SASH1: variants seen among roughly 807,000 people sequenced by gnomAD.
SASH1 encodes the protein SAM and SH3 domain-containing protein 1.
In SASH1, 44 loss-of-function variants were observed where a neutral mutation model predicts 125.2. That is an observed-to-expected ratio of 0.35 (90% CI 0.28 to 0.45). The LOEUF (loss-of-function observed/expected upper bound fraction) is 0.45, where lower values mean the gene tolerates loss of function less well. Ranked by LOEUF, SASH1 falls within the 20% of genes least tolerant of loss-of-function variation. The probability of loss-of-function intolerance (pLI) is 1.00; values close to 1 mark genes in which losing one functional copy is unlikely to be tolerated. For synonymous variants in SASH1, 639 were observed against 649.1 expected (o/e 0.98, Z 0.24); for missense variants, 1,426 against 1,614.5 (o/e 0.88, Z 2.00).
chr6:148,351,191 GTTTTTTTTT>G (rs67285564), intron 1 of SASH1, among the ~76,000 whole-genome samples: 4 of 102,146 alleles, frequency 3.9e-5, no homozygotes, highest in African/African-American at 1.4e-4. Flanking sequence ...TGCGATAGTA[GTTTTTTTTT>G]TTTTTTTTTT....
Position 148,531,551 on chromosome 6 carries a change from G to A in SASH1, c.1454G>A (p.Gly485Asp), listed in dbSNP as rs1446992117. Residue 485 changes from glycine to aspartate, a missense_variant, in exon 13 of 20, where the codon GGC becomes GAC. By Grantham distance (94) the Gly-to-Asp change is moderately conservative. This residue lies in a region of SASH1 where 225 missense variants were observed against 344.5 expected (regional missense o/e 0.65). Transcript: ENST00000367467. ...GACTCGGGCCTTGATGGAATGCCTG[G>A]CTCCCCTCCGCCTTCACAGCCCGAC... The part of the protein sequence containing the change: ...EQDSGLDGMP[G>D]SPPPSQPDPE... The A allele has an allele frequency of 6.4e-6, 10 of 1,554,212 alleles. No homozygotes were observed. In the Admixed American group the frequency reaches 1.7e-4, roughly 27 times the overall value.
intron 5 of SASH1, among the ~76,000 whole-genome samples, chr6:148,469,445 T>C (rs1024397082): frequency 6.6e-6 from 1 of 152,166 alleles, no homozygotes; most frequent in African/African-American, 2.4e-5. Flanking sequence ...CAAAGAAATA[T>C]ATTGTCAGCC....
At chr6:148,365,122 CAAA>C (rs370006068) in intron 1 of SASH1, among the ~76,000 whole-genome samples, 2 of 139,698 alleles carry the variant, frequency 1.4e-5, no homozygotes, top group African/African-American at 5.2e-5. Flanking sequence ...GACTCTGTCA[CAAA>C]AAAAAAAAAG....
At chr6:148,274,562 A>T (rs1219841542) in intron 1 of SASH1, among the ~76,000 whole-genome samples, 2 of 152,160 alleles carry the variant, frequency 1.3e-5, no homozygotes, top group Admixed American at 6.5e-5. Context: ...ATGCAAAAAG[A>T]TGTATTGATC....
the SASH1 span, among the ~76,000 whole-genome samples, chr6:148,248,369 T>A: frequency 1.3e-5 from 2 of 152,206 alleles, no homozygotes; most frequent in Non-Finnish European, 2.9e-5. Flanking sequence ...AAATTTGATA[T>A]GTTATTAAAA....
intron 2 of SASH1, among the ~76,000 whole-genome samples, chr6:148,438,151 T>C (rs1221151085): frequency 6.6e-6 from 1 of 152,114 alleles, no homozygotes; most frequent in Non-Finnish European, 1.5e-5. Flanking sequence ...TCAGAGAAAA[T>C]TTCAGACAAA....
chr6:148,548,608 A>C lies in SASH1; in HGVS notation c.*50A>C, dbSNP rs1486284467. On this transcript the variant is annotated 3_prime_UTR_variant, in exon 20 of 20. Transcript: ENST00000367467. ...GACAAGAGCCACCCTTTCACTGTGC[A>C]TATGATGCTGATGCAATTCCTCCAT... is the stretch of plus-strand genomic sequence containing the variant. 1 of 1,523,342 alleles carries C rather than the reference A, an allele frequency of 6.6e-7. No individual in the cohort carries two copies. The highest frequency in any genetic ancestry group is 8.8e-7 in the Non-Finnish European group (1 of 1,136,870). 94.4% of individuals were successfully genotyped at this position (1,523,342 alleles called of 1,614,324 possible). A position where few individuals can be genotyped will look rare whatever the true frequency, so the allele number is the denominator to read the frequency against.
At chr6:148,319,101 C>T (rs1780569693) in intron 1 of SASH1, among the ~76,000 whole-genome samples, 1 of 128,480 alleles carries the variant, frequency 7.8e-6, no homozygotes, top group Non-Finnish European at 1.6e-5. Context: ...GGCGCGATCT[C>T]GGCTCACTGC....
chr6:148,534,146 A>C (rs1181234158), intron 15 of SASH1, among the ~76,000 whole-genome samples, 166 bp downstream of exon 15: 1 of 149,116 alleles, frequency 6.7e-6, no homozygotes, highest in Non-Finnish European at 1.5e-5. Flanking sequence ...AGAAAGAGTT[A>C]GTTAGTTACC....
At chr6:148,335,924 C>G (rs573079118) in intron 1 of SASH1, among the ~76,000 whole-genome samples, 1 of 152,082 alleles carries the variant, frequency 6.6e-6, no homozygotes, top group East Asian at 1.9e-4. Flanking sequence ...TAGATACAGC[C>G]TCATTGGATG....
chr6:148,364,385 C>T (rs940733871), intron 1 of SASH1, among the ~76,000 whole-genome samples: 10 of 152,244 alleles, frequency 6.6e-5, no homozygotes, highest in African/African-American at 2.2e-4. Context: ...TCACCATTAG[C>T]TGTGGGAAGT....
intron 1 of SASH1, among the ~76,000 whole-genome samples, chr6:148,308,282 C>CCCA (rs202208671): frequency 5.9e-5 from 9 of 151,622 alleles, no homozygotes; most frequent in South Asian, 2.1e-4. Flanking sequence ...CCGCCCCCCC[C>CCCA]AAAAATGTAT....
intron 1 of SASH1, among the ~76,000 whole-genome samples, chr6:148,304,441 A>AT (rs1166585512): frequency 7.8e-6 from 1 of 128,814 alleles, no homozygotes; most frequent in Non-Finnish European, 1.8e-5. Flanking sequence ...TCAAAAAAAA[A>AT]AAAAGAAAAG....
chr6:148,252,717 G>A, the SASH1 span, among the ~76,000 whole-genome samples: 1 of 152,120 alleles, frequency 6.6e-6, no homozygotes, highest in Non-Finnish European at 1.5e-5. Context: ...GACCTCACGT[G>A]ATCCATCCGC....
chr6:148,475,284 A>G (rs567223838), intron 7 of SASH1, among the ~76,000 whole-genome samples: 2 of 152,350 alleles, frequency 1.3e-5, no homozygotes, highest in East Asian at 3.9e-4. Context: ...TGCTGCTGTA[A>G]CAGAATACCA....
At chr6:148,548,159 G>T in intron 19 of SASH1, 136 bp from the exon 20 acceptor site, 1 of 734,624 alleles carries the variant, frequency 1.4e-6, no homozygotes, top group Non-Finnish European at 2.1e-6. Context: ...CTTGATCTCT[G>T]ACACTCATTG....
Position 148,390,273 on chromosome 6 carries a change from G to T in SASH1, c.285+11G>T. ...CAGGACCTGGAAGTGGTGAGTGGGG[G>T]TCCTGGGAATATGCTTCTGTGAGCA... On this transcript the variant is annotated intron_variant, in intron 2 of 19. Coordinates refer to ENST00000367467, the MANE Select transcript of SASH1 (RefSeq NM_015278.5). 6.2e-7 allele frequency: 1 copy of T among 1,609,426 alleles called. No individual in the cohort carries two copies. The highest frequency in any genetic ancestry group is 8.5e-7 in the Non-Finnish European group (1 of 1,178,248).
At chr6:148,359,247 C>T (rs575502354) in intron 1 of SASH1, among the ~76,000 whole-genome samples, 2 of 151,814 alleles carry the variant, frequency 1.3e-5, no homozygotes, top group Non-Finnish European at 2.9e-5. Flanking sequence ...TAACCTCCGC[C>T]TCCTGGGCTC....
chr6:148,202,096 G>A, the SASH1 span, among the ~76,000 whole-genome samples: 1 of 151,910 alleles, frequency 6.6e-6, no homozygotes, highest in Non-Finnish European at 1.5e-5. Flanking sequence ...CATGCAGCAG[G>A]GTGGTCAAGC....
Sources: gnomAD v4.1 joint callset for allele counts (sites outside exome capture counted in the v4.1 genomes callset) on GRCh38, gnomAD v4.1.1 for gene constraint, gnomAD v4.1.1 regional missense constraint, MANE v1.5 for transcripts, NCBI Gene and HGNC (gene_info 2026-07-23, HGNC 2026-07-21) for gene names.